The following CCDC51 variants were observed in gnomAD, a reference collection of about 807,000 sequenced individuals.
CCDC51 encodes mitochondrial potassium channel.
CCDC51 carries 25 observed loss-of-function variants against 24.8 expected under a neutral mutation model. The observed-to-expected ratio is 1.01, with a 90% CI of 0.73 to 1.41. The LOEUF is 1.41. Among genes scored for constraint, CCDC51 ranks in the 40% most tolerant of loss-of-function variants. The pLI is 0.00. For missense variants in CCDC51, 466 were observed against 519.1 expected, an observed-to-expected ratio of 0.90 and a Z score of 0.99; for synonymous variants, 190 against 204.3, an observed-to-expected ratio of 0.93 and a Z score of 0.60.
rs1485171312 is a variant in CCDC51, at chr3:48,433,505, G to T, written c.477+202C>A. Among the ~76,000 whole-genome samples, 1 of 152,202 alleles carries T rather than the reference G, an allele frequency of 6.6e-6. No individual in the cohort carries two copies. The highest frequency in any genetic ancestry group is 2.4e-5 in the African/African-American group (1 of 41,450). On this transcript the variant is annotated intron_variant, in intron 3 of 3. Coordinates refer to ENST00000395694, the MANE Select transcript of CCDC51 (RefSeq NM_001256964.2). The surrounding 1 kb of genome is among the most constrained non-coding windows in gnomAD (Gnocchi z 4.4). ...GAGTCCCAGGCTACGCTGCCCTGAA[G>T]AGTTGGCCCCAGTACTCCAGAAGAA...
At position 48,432,580 on chromosome 3, in the gene CCDC51, C is replaced by T. The variant is rs569212798; in HGVS notation, c.1064G>A (p.Gly355Glu). 4.3e-6 allele frequency: 7 copies of T among 1,614,248 alleles called. No individual in the cohort carries two copies. The South Asian group carries it at 6.6e-5, about 15-fold the overall frequency. ...CTCCAGCAAGAAGCTGGGCATAGCC[C>T]CGTCTGCTGGTTCCACCAGGCCTGG... is the stretch of plus-strand genomic sequence containing the variant. ...AHPGLVEPAD[G>E]AMPSFLLEQG... Residue 355 changes from glycine (G) to glutamate (E), a missense_variant, in exon 4 of 4, where the codon GGG becomes GAG. Coordinates refer to ENST00000395694, the MANE Select transcript of CCDC51 (RefSeq NM_001256964.2).
At chr3:48,445,848 G>A in the CCDC51 span, among the ~76,000 whole-genome samples, 3 of 152,104 alleles carry the variant, frequency 2.0e-5, no homozygotes, top group African/African-American at 4.8e-5. Context: ...TCTCTATTGC[G>A]GCTAACTTCT....
chr3:48,443,826 T>A, upstream of CCDC51: 1 of 1,552,504 alleles, frequency 6.4e-7, no homozygotes. Context: ...TTTCCCTAAT[T>A]GTGACTATTT....
In CCDC51 at chr3:48,432,851, G is replaced by A. The variant is rs752164023; in HGVS notation, c.793C>T (p.Leu265Phe). Reference sequence around the variant, plus strand: ...ACCAGGCCCCTCAGGTCCACCATGAGATTGTGGAGGTCCCTCTGCTGGCGG... The same window carrying A: ...ACCAGGCCCCTCAGGTCCACCATGAAATTGTGGAGGTCCCTCTGCTGGCGG... ...YSRQQRDLHN[L>F]MVDLRGLVHA... The change falls in exon 4 of 4, where the codon CTC becomes TTC. Residue 265 changes from leucine to phenylalanine, a missense_variant. Leu to Phe is a conservative substitution (Grantham distance 22). Transcript: ENST00000395694. 2.5e-6 allele frequency: 4 copies of A among 1,613,700 alleles called. No homozygotes were observed. The South Asian group carries it at 4.4e-5, about 18-fold the overall frequency.
At chr3:48,442,940 C>A (rs1044934103), upstream of CCDC51, among the ~76,000 whole-genome samples, 1 of 151,818 alleles carries the variant, frequency 6.6e-6, no homozygotes, top group East Asian at 1.9e-4. Flanking sequence ...CAACACCTAA[C>A]AATAAGACTT....
At chr3:48,436,636 C>T (rs1333789820) in intron 1 of CCDC51, among the ~76,000 whole-genome samples, 1 of 152,244 alleles carries the variant, frequency 6.6e-6, no homozygotes, top group Non-Finnish European at 1.5e-5. Flanking sequence ...TCCTATAACA[C>T]CCCTGCAGGT....
At chr3:48,440,517 T>G, upstream of CCDC51, 2 of 1,607,828 alleles carry the variant, frequency 1.2e-6, no homozygotes, top group South Asian at 2.2e-5. Flanking sequence ...AGGCCTGAGT[T>G]GAACACGCTC....
rs1418383603 is a variant in CCDC51, at chr3:48,437,848, C to T, written c.-9+2140G>A. On this transcript the variant is annotated intron_variant, in intron 1 of 3. Transcript: ENST00000395694. The surrounding 1 kb of genome is among the most constrained non-coding windows in gnomAD (Gnocchi z 4.2). ...TCTCTTGATCCTCAGGATAAAAAAC[C>T]CATGCTTCTAGGGAAAACCAACCTG... The T allele has an allele frequency of 1.3e-5, 2 of 152,004 alleles. No homozygotes were observed. Among genetic ancestry groups the T allele is most frequent in the Non-Finnish European group, 2.9e-5 (2 of 68,002 alleles). 9.4% of individuals were successfully genotyped at this position (152,004 alleles called of 1,614,324 possible). A position where few individuals can be genotyped will look rare whatever the true frequency, so the allele number is the denominator to read the frequency against.
upstream of CCDC51, among the ~76,000 whole-genome samples, chr3:48,441,556 T>G (rs2039569034): frequency 6.6e-6 from 1 of 152,154 alleles, no homozygotes; most frequent in African/African-American, 2.4e-5. Flanking sequence ...TCTTTTTACT[T>G]CTGGGTATGC....
chr3:48,434,793 A>C, intron 2 of CCDC51, 24 bp downstream of exon 2: 2 of 1,560,656 alleles, frequency 1.3e-6, no homozygotes, highest in South Asian at 1.2e-5. Context: ...GGGCGGGGCC[A>C]GCCACCCCAG....
chr3:48,436,031 A>G (rs1433053419), intron 1 of CCDC51, among the ~76,000 whole-genome samples: 1 of 152,224 alleles, frequency 6.6e-6, no homozygotes, highest in African/African-American at 2.4e-5. Flanking sequence ...GTTATCCAGA[A>G]TCAGGCCTCA....
chr3:48,442,685 C>T (rs544568339), upstream of CCDC51, among the ~76,000 whole-genome samples: 3 of 151,802 alleles, frequency 2.0e-5, no homozygotes, highest in Non-Finnish European at 4.4e-5. Flanking sequence ...CTCCTGACCT[C>T]GTGATCCACC....
At chr3:48,436,115 C>T (rs2039344200) in intron 1 of CCDC51, among the ~76,000 whole-genome samples, 1 of 152,152 alleles carries the variant, frequency 6.6e-6, no homozygotes, top group African/African-American at 2.4e-5. Context: ...CCAGAAAAAG[C>T]TGAGCCAACA....
intron 2 of CCDC51, 200 bp from the exon 3 acceptor site, chr3:48,434,071 G>C: frequency 1.7e-6 from 2 of 1,210,090 alleles, no homozygotes; most frequent in Middle Eastern, 2.8e-4. Flanking sequence ...TCAGAATCAC[G>C]AGATTTAGCC....
upstream of CCDC51, chr3:48,444,153 C>A (rs1193054614): frequency 3.1e-6 from 1 of 322,940 alleles, no homozygotes; most frequent in Non-Finnish European, 5.6e-6. Context: ...TTCTTTGGTC[C>A]TTGTTCTACC....
chr3:48,445,662 T>G, the CCDC51 span, among the ~76,000 whole-genome samples: 5 of 152,228 alleles, frequency 3.3e-5, no homozygotes, highest in Non-Finnish European at 5.9e-5. Context: ...GACTACCAGT[T>G]GCTCCAAAAA....
intron 1 of CCDC51, among the ~76,000 whole-genome samples, chr3:48,436,830 G>T (rs951680683): frequency 6.6e-6 from 1 of 152,202 alleles, no homozygotes; most frequent in African/African-American, 2.4e-5. Flanking sequence ...TGGCAGAGAT[G>T]ACAGCTACTG....
At chr3:48,436,458 A>G (rs2039357781) in intron 1 of CCDC51, among the ~76,000 whole-genome samples, 1 of 152,200 alleles carries the variant, frequency 6.6e-6, no homozygotes, top group African/African-American at 2.4e-5. Context: ...GAGCCGCAGA[A>G]GGGAACTTCA....
chr3:48,432,692 C>T lies in CCDC51; in HGVS notation c.952G>A (p.Glu318Lys). 6.2e-7 allele frequency: 1 copy of T among 1,614,248 alleles called. No individual in the cohort carries two copies. Among genetic ancestry groups the T allele is most frequent in the Non-Finnish European group, 8.5e-7 (1 of 1,180,052 alleles). The change falls in exon 4 of 4, where the codon GAA becomes AAA. Residue 318 changes from glutamate (E) to lysine (K), a missense_variant. Transcript: ENST00000395694. Reference protein sequence around the residue: ...SHSRQVHSCLEGLREQLDGLE... With the variant: ...SHSRQVHSCLKGLREQLDGLE... ...CCATCAAGCTGCTCTCGTAAGCCTT[C>T]TAGACATGAATGGACTTGCCTGGAA...
Sources: gnomAD v4.1 joint callset for allele counts (sites outside exome capture counted in the v4.1 genomes callset) on GRCh38, gnomAD v4.1.1 for gene constraint, Gnocchi (gnomAD v3.1) non-coding constraint, MANE v1.5 for transcripts, NCBI Gene and HGNC (gene_info 2026-07-23, HGNC 2026-07-21) for gene names.